The following MPP7 variants were observed in gnomAD, a reference collection of about 807,000 sequenced individuals.
The protein encoded by MPP7 is MAGUK p55 scaffold protein 7, also known as MAGUK p55 subfamily member 7.
A neutral mutation model predicts 76.5 loss-of-function variants in MPP7; 60 were observed. The ratio of observed to expected loss-of-function variants is 0.78; its 90% confidence interval spans 0.64 to 0.97. MPP7 has a LOEUF of 0.97. Among genes scored for constraint, MPP7 ranks in the 50% least tolerant of loss-of-function variants. MPP7 has a pLI of 0.00. For synonymous variants in MPP7, 237 were observed against 244.5 expected, an observed-to-expected ratio of 0.97 and a Z score of 0.29; for missense variants, 641 against 694.0, an observed-to-expected ratio of 0.92 and a Z score of 0.86.
At chr10:28,144,325 T>G (rs1297275487) in intron 5 of MPP7, among the ~76,000 whole-genome samples, 1 of 152,144 alleles carries the variant, frequency 6.6e-6, no homozygotes, top group Admixed American at 6.5e-5. Context: ...TTCCACTTTT[T>G]TATAAGCTCA....
intron 2 of MPP7, among the ~76,000 whole-genome samples, chr10:28,327,700 A>G (rs1834431096): frequency 6.6e-6 from 1 of 152,230 alleles, no homozygotes. Context: ...TGTTTAGAAC[A>G]TGAATTTTCA....
chr10:28,070,821 A>C (rs1293661893), intron 12 of MPP7, among the ~76,000 whole-genome samples: 1 of 152,246 alleles, frequency 6.6e-6, no homozygotes, highest in Non-Finnish European at 1.5e-5. Context: ...GACCAGAAAA[A>C]CAAAAAACAA....
intron 11 of MPP7, chr10:28,118,376 GA>G (rs1243614811): frequency 7.1e-6 from 7 of 980,372 alleles, no homozygotes; most frequent in Non-Finnish European, 7.3e-6. Context: ...GCCTAGGACT[GA>G]AAAAGAGTTG....
At chr10:28,112,830 C>T (rs890519104) in intron 11 of MPP7, among the ~76,000 whole-genome samples, 3 of 147,924 alleles carry the variant, frequency 2.0e-5, no homozygotes, top group African/African-American at 7.4e-5. Context: ...CTATAATCCC[C>T]ATTTTTTTCA....
At chr10:28,075,418 C>G (rs927918256) in intron 12 of MPP7, among the ~76,000 whole-genome samples, 2 of 152,092 alleles carry the variant, frequency 1.3e-5, no homozygotes, top group South Asian at 2.1e-4. Context: ...TTTATGGCCC[C>G]GAAACTTCTC....
chr10:28,148,102 T>TG (rs1835767811), intron 4 of MPP7, among the ~76,000 whole-genome samples: 1 of 152,152 alleles, frequency 6.6e-6, no homozygotes, highest in African/African-American at 2.4e-5. Flanking sequence ...CCTATACAGA[T>TG]GAAGAAATCT....
chr10:28,286,329 G>A (rs920651797), intron 1 of MPP7, among the ~76,000 whole-genome samples: 6 of 151,512 alleles, frequency 4.0e-5, no homozygotes, highest in African/African-American at 1.5e-4. Flanking sequence ...CTGGGCAACA[G>A]AGCGAGACTC....
intron 3 of MPP7, among the ~76,000 whole-genome samples, chr10:28,166,310 T>C (rs1168543730): frequency 6.6e-6 from 1 of 151,902 alleles, no homozygotes; most frequent in African/African-American, 2.4e-5. Context: ...AGTACAAATA[T>C]TTTACATCTA....
At chr10:28,150,106 C>A in intron 3 of MPP7, 47 bp from the exon 4 acceptor site, 1 of 1,304,428 alleles carries the variant, frequency 7.7e-7, no homozygotes, top group South Asian at 1.2e-5. Flanking sequence ...AGCAAACAAT[C>A]TCAGATAGCT....
intron 2 of MPP7, among the ~76,000 whole-genome samples, chr10:28,233,264 G>C (rs1838950566): frequency 6.6e-6 from 1 of 152,176 alleles, no homozygotes; most frequent in Non-Finnish European, 1.5e-5. Context: ...AAGGATTAGA[G>C]TTGAAAACAT....
chr10:28,078,491 T>C (rs1206768936), intron 12 of MPP7, among the ~76,000 whole-genome samples: 1 of 152,210 alleles, frequency 6.6e-6, no homozygotes, highest in Non-Finnish European at 1.5e-5. Context: ...AAAAGGCACA[T>C]TAAAAATGAT....
intron 1 of MPP7, among the ~76,000 whole-genome samples, chr10:28,246,096 A>T (rs1839425577): frequency 6.6e-6 from 1 of 152,146 alleles, no homozygotes; most frequent in Non-Finnish European, 1.5e-5. Flanking sequence ...TGGACACAAA[A>T]ATTCAAGAAG....
chr10:28,102,265 C>T (rs184554477), intron 11 of MPP7, among the ~76,000 whole-genome samples: 17 of 152,272 alleles, frequency 1.1e-4, no homozygotes, highest in Middle Eastern at 3.4e-3. Flanking sequence ...GCCTCAGCCT[C>T]CGGAGTAGTT....
intron 2 of MPP7, among the ~76,000 whole-genome samples, chr10:28,321,612 G>A (rs984651629): frequency 1.3e-5 from 2 of 151,968 alleles, no homozygotes; most frequent in Admixed American, 6.6e-5. Context: ...TTGAGACAGG[G>A]TCTTGCTCAT....
chr10:28,143,581 C>CGTGTGCTCTGTGTGTGTGTGTGTGTGTG (rs765475349), intron 5 of MPP7, among the ~76,000 whole-genome samples: 12 of 151,678 alleles, frequency 7.9e-5, no homozygotes, highest in Non-Finnish European at 1.5e-4. Context: ...GTATTCCTAT[C>CGTGTGCTCTGTGTGTGTGTGTGTGTGTG]TTTGTGGATC....
chr10:28,300,797 T>C (rs1373369273), intron 1 of MPP7, among the ~76,000 whole-genome samples: 2 of 142,310 alleles, frequency 1.4e-5, no homozygotes, highest in South Asian at 4.4e-4. Flanking sequence ...ACAAAAATAT[T>C]AAAAAAAAAA....
At chr10:28,116,219 A>G (rs550417297) in intron 11 of MPP7, among the ~76,000 whole-genome samples, 1 of 152,196 alleles carries the variant, frequency 6.6e-6, no homozygotes, top group Non-Finnish European at 1.5e-5. Context: ...CATTAGGAAG[A>G]CAATTCTTAA....
intron 13 of MPP7, 58 bp downstream of exon 13, chr10:28,069,714 A>T (rs1043969347): frequency 1.3e-4 from 178 of 1,349,214 alleles, no homozygotes; most frequent in Middle Eastern, 2.1e-4. Flanking sequence ...ATAATTTTTT[A>T]AAAATTTAAA....
rs111460396 is a variant in MPP7, at chr10:28,265,330, G to C, written c.-131-26595C>G. On this transcript the variant is annotated intron_variant, in intron 1 of 16. Coordinates refer to ENST00000683449, the MANE Select transcript of MPP7 (RefSeq NM_001318170.2). ...TCCCAACACTTTGGGAGGCCAAGGC[G>C]GGGGGACTGCTTGAGCTCAGGAGTT... 2.0e-4 allele frequency among the ~76,000 whole-genome samples: 30 copies of C among 152,260 alleles called. No homozygotes were observed. The East Asian group carries it at 4.8e-3, about 25-fold the overall frequency.
Sources: allele counts gnomAD v4.1 joint callset (sites outside exome capture counted in the v4.1 genomes callset), GRCh38; gene constraint gnomAD v4.1.1; transcripts MANE v1.5; gene names NCBI Gene and HGNC (gene_info 2026-07-23, HGNC 2026-07-21).